Variants in HSDL2 observed in about 807,000 individuals in gnomAD.
HSDL2 encodes hydroxysteroid dehydrogenase-like protein 2.
Under a neutral mutation model 46.3 loss-of-function variants are expected in HSDL2, and 27 were observed. The observed-to-expected ratio is 0.58, with a 90% CI of 0.43 to 0.80. The LOEUF (loss-of-function observed/expected upper bound fraction) is 0.80, where lower values mean the gene tolerates loss of function less well. Among genes scored for constraint, HSDL2 ranks in the 30% least tolerant of loss-of-function variants. HSDL2 has a pLI of 0.00. For missense variants in HSDL2, 451 were observed against 502.7 expected (o/e 0.90, Z 0.98); for synonymous variants, 153 against 163.6 (o/e 0.94, Z 0.50).
chr9:112,463,291 AG>A (rs1833270357), intron 10 of HSDL2, among the ~76,000 whole-genome samples: 1 of 150,712 alleles, frequency 6.6e-6, no homozygotes, highest in South Asian at 2.1e-4. Context: ...AAAATAAAAT[AG>A]AGATAGGGTC....
chr9:112,448,489 T>C (rs887166625), intron 8 of HSDL2, among the ~76,000 whole-genome samples: 1 of 151,988 alleles, frequency 6.6e-6, no homozygotes, highest in Non-Finnish European at 1.5e-5. Flanking sequence ...GGGTACTTTT[T>C]CTATTCTTTC....
At chr9:112,451,731 G>A (rs987707476) in intron 8 of HSDL2, among the ~76,000 whole-genome samples, 1 of 151,038 alleles carries the variant, frequency 6.6e-6, no homozygotes, top group Non-Finnish European at 1.5e-5. Flanking sequence ...ATTAGAAAGT[G>A]TTCCCTCCTC....
At chr9:112,438,753 A>G (rs1832582443) in intron 7 of HSDL2, 128 bp downstream of exon 7, 2 of 604,268 alleles carry the variant, frequency 3.3e-6, no homozygotes, top group Non-Finnish European at 5.6e-6. Context: ...CTGTCTTCCC[A>G]ATGAAGGAAG....
intron 1 of HSDL2, among the ~76,000 whole-genome samples, chr9:112,385,303 C>CT (rs1243868440): frequency 2.6e-5 from 4 of 152,142 alleles, no homozygotes; most frequent in South Asian, 2.1e-4. Flanking sequence ...GATCAGACTT[C>CT]TTTTTTAAAA....
intron 3 of HSDL2, among the ~76,000 whole-genome samples, chr9:112,406,535 A>G (rs980502603): frequency 2.6e-5 from 4 of 151,924 alleles, no homozygotes; most frequent in African/African-American, 9.7e-5. Context: ...CAGTGGCGCA[A>G]TCTCGGCTCA....
chr9:112,398,773 A>G (rs987588288), intron 1 of HSDL2, among the ~76,000 whole-genome samples: 3 of 152,190 alleles, frequency 2.0e-5, no homozygotes, highest in African/African-American at 7.2e-5. Context: ...ACATGATCCC[A>G]TAGTCCCACA....
At chr9:112,438,247 TAAAAAC>T (rs1196201367) in intron 6 of HSDL2, among the ~76,000 whole-genome samples, 178 bp from the exon 7 acceptor site, 3 of 151,856 alleles carry the variant, frequency 2.0e-5, no homozygotes, top group African/African-American at 4.8e-5. Flanking sequence ...AAAACAAAAA[TAAAAAC>T]AAAAAAACAA....
At chr9:112,399,108 C>G (rs1831529950) in intron 1 of HSDL2, among the ~76,000 whole-genome samples, 1 of 152,162 alleles carries the variant, frequency 6.6e-6, no homozygotes, top group Admixed American at 6.5e-5. Context: ...GAACCTACCC[C>G]TAATATTTCA....
intron 10 of HSDL2, among the ~76,000 whole-genome samples, chr9:112,462,852 T>C (rs1242553686): frequency 6.6e-6 from 1 of 152,178 alleles, no homozygotes; most frequent in African/African-American, 2.4e-5. Flanking sequence ...CCTATTTCCA[T>C]TCCCAAAGCC....
At chr9:112,438,279 T>C (rs1832570081) in intron 6 of HSDL2, 152 bp from the exon 7 acceptor site, 1 of 557,468 alleles carries the variant, frequency 1.8e-6, no homozygotes, top group Admixed American at 4.3e-5. Flanking sequence ...ATTTGGCAAA[T>C]CCCTTAAGCA....
chr9:112,403,843 G>C (rs959506403), intron 1 of HSDL2, 152 bp from the exon 2 acceptor site: 1 of 668,278 alleles, frequency 1.5e-6, no homozygotes, highest in African/African-American at 1.8e-5. Context: ...GAGTATAGTG[G>C]AGTTATCTGC....
chr9:112,435,413 G>A (rs1030861522), intron 6 of HSDL2, among the ~76,000 whole-genome samples: 2 of 151,984 alleles, frequency 1.3e-5, no homozygotes, highest in African/African-American at 4.8e-5. Flanking sequence ...TGCAGTTTTC[G>A]GGAGTGAGAT....
chr9:112,406,450 A>G (rs1356868969), intron 3 of HSDL2, among the ~76,000 whole-genome samples: 1 of 151,924 alleles, frequency 6.6e-6, no homozygotes, highest in East Asian at 1.9e-4. Context: ...AATCAGAATT[A>G]TATTTTTCTT....
chr9:112,471,797 T>C lies in HSDL2; in HGVS notation c.*1253T>C, dbSNP rs1300560097. 1.3e-5 allele frequency: 2 copies of C among 152,224 alleles called. No homozygotes were observed. The allele number at this position is 152,224 out of a possible 1,614,324, so 9.4% of individuals were successfully genotyped here. A position where few individuals can be genotyped will look rare whatever the true frequency, so the allele number is the denominator to read the frequency against. ...ATAAACTTTTAAAAAGCTCTTATCT[T>C]TCATTTCAATCAGTTAAAAATACTT... On this transcript the variant is annotated 3_prime_UTR_variant, in exon 11 of 11. Transcript: ENST00000398805.
At chr9:112,391,208 A>G (rs1183254404) in intron 1 of HSDL2, among the ~76,000 whole-genome samples, 1 of 134,984 alleles carries the variant, frequency 7.4e-6, no homozygotes, top group South Asian at 2.3e-4. Context: ...ATAATTTTCT[A>G]TAATCCCAGT....
intron 10 of HSDL2, among the ~76,000 whole-genome samples, chr9:112,466,648 ACTTT>A (rs1833397727): frequency 6.6e-6 from 1 of 151,580 alleles, no homozygotes; most frequent in Non-Finnish European, 1.5e-5. Flanking sequence ...TTGTTTTTTC[ACTTT>A]CTTGATGATA....
At chr9:112,413,418 G>C (rs191659053) in intron 4 of HSDL2, among the ~76,000 whole-genome samples, 439 of 151,874 alleles carry the variant, frequency 2.9e-3, no homozygotes, top group Non-Finnish European at 4.8e-3. Flanking sequence ...CAGAGGTTGC[G>C]GTGAACCAAG....
chr9:112,461,043 C>A (rs536662674), intron 10 of HSDL2, among the ~76,000 whole-genome samples: 2 of 151,992 alleles, frequency 1.3e-5, no homozygotes, highest in African/African-American at 4.8e-5. Flanking sequence ...TACATTATAA[C>A]ATCTTTCAAT....
intron 1 of HSDL2, among the ~76,000 whole-genome samples, chr9:112,390,783 A>C (rs1276264007): frequency 3.3e-5 from 5 of 152,174 alleles, no homozygotes; most frequent in African/African-American, 1.2e-4. Flanking sequence ...GTAAACCATA[A>C]AACTTTTGAA....
Sources: gnomAD v4.1 joint callset for allele counts (sites outside exome capture counted in the v4.1 genomes callset) on GRCh38, gnomAD v4.1.1 for gene constraint, MANE v1.5 for transcripts, NCBI Gene and HGNC (gene_info 2026-07-23, HGNC 2026-07-21) for gene names.